Variants in OARD1 observed in about 807,000 individuals in gnomAD.
OARD1 encodes ADP-ribose glycohydrolase OARD1.
Under a neutral mutation model 19.7 loss-of-function variants are expected in OARD1, and 19 were observed. The ratio of observed to expected loss-of-function variants is 0.96; its 90% CI spans 0.67 to 1.41. OARD1 has a LOEUF of 1.41. Ranked by LOEUF, OARD1 falls within the 40% of genes most tolerant of loss-of-function variation. The probability of loss-of-function intolerance (pLI) is 0.00; values close to 1 mark genes in which losing one functional copy is unlikely to be tolerated. For synonymous variants in OARD1, 70 were observed against 61.8 expected, an observed-to-expected ratio of 1.13 and a Z score of -0.62; for missense variants, 190 against 183.8, an observed-to-expected ratio of 1.03 and a Z score of -0.20.
chr6:41,089,950 A>C (rs1340629520), intron 1 of OARD1, among the ~76,000 whole-genome samples: 1 of 152,082 alleles, frequency 6.6e-6, no homozygotes, highest in Non-Finnish European at 1.5e-5. Context: ...AAGCCCCGTC[A>C]AAATACAAAA....
chr6:41,093,838 C>G (rs1004481318), intron 1 of OARD1, among the ~76,000 whole-genome samples: 3 of 152,178 alleles, frequency 2.0e-5, no homozygotes, highest in African/African-American at 7.2e-5. Context: ...ATTTAGTTAC[C>G]TGATCACACC....
At position 41,069,685 on chromosome 6, in the gene OARD1, A is replaced by C. The variant is rs528066900; in HGVS notation, c.243+391T>G. 7.1e-5 allele frequency: 18 copies of C among 252,084 alleles called. No homozygotes were observed. In the East Asian group the frequency reaches 2.2e-3, roughly 30 times the overall value. 15.6% of individuals were successfully genotyped at this position (252,084 alleles called of 1,614,324 possible). A position where few individuals can be genotyped will look rare whatever the true frequency, so the allele number is the denominator to read the frequency against. ...TTTTGTTTTTATTCACCCCCTTGCT[A>C]TCAGTGTGCTATTTGACATGGAATA... On this transcript the variant is annotated intron_variant, in intron 4 of 5. Coordinates refer to ENST00000424266, the MANE Select transcript of OARD1 (RefSeq NM_001329686.2).
At chr6:41,079,212 C>T in intron 1 of OARD1, 2 of 1,542,484 alleles carry the variant, frequency 1.3e-6, no homozygotes, top group Non-Finnish European at 1.8e-6. Flanking sequence ...AAACTGATAA[C>T]AGCACCACTC....
intron 1 of OARD1, among the ~76,000 whole-genome samples, chr6:41,077,594 A>G (rs1053560313): frequency 6.6e-6 from 1 of 152,256 alleles, no homozygotes; most frequent in Non-Finnish European, 1.5e-5. Flanking sequence ...TAGTGCCCCT[A>G]ACAGACTCAC....
chr6:41,094,435 C>T (rs774868192), intron 1 of OARD1: 1 of 1,614,148 alleles, frequency 6.2e-7, no homozygotes. Flanking sequence ...TGCCATGGCA[C>T]GGAAGCGTGG....
At chr6:41,089,513 C>T in intron 1 of OARD1, 1 of 1,449,874 alleles carries the variant, frequency 6.9e-7, no homozygotes, top group Non-Finnish European at 9.1e-7. Flanking sequence ...ATGTGGATAA[C>T]TCTCGGGGAC....
chr6:41,085,784 G>A (rs77222031), intron 1 of OARD1, among the ~76,000 whole-genome samples: 9,615 of 151,482 alleles, frequency 0.063, 715 homozygotes, highest in African/African-American at 0.18. Context: ...ATAATGTTCA[G>A]TCAACTTGAT....
intron 1 of OARD1, chr6:41,084,186 G>T (rs538975038): frequency 6.2e-7 from 1 of 1,613,834 alleles, no homozygotes; most frequent in African/African-American, 1.3e-5. Context: ...CACAGGGTTT[G>T]CAGCAAGTGA....
Position 41,070,064 on chromosome 6 carries a change from G to T in OARD1, c.243+12C>A. 2.0e-6 allele frequency: 3 copies of T among 1,531,206 alleles called. No homozygotes were observed. The highest frequency in any genetic ancestry group is 2.7e-6 in the Non-Finnish European group (3 of 1,104,640). The allele number at this position is 1,531,206 out of a possible 1,614,324, so 94.9% of individuals were successfully genotyped here. A position where few individuals can be genotyped will look rare whatever the true frequency, so the allele number is the denominator to read the frequency against. ...CTGGCCCTGAAAAAAAAAGGAATTG[G>T]CCCCATCTTACCAAGTAATATATAT... On this transcript the variant is annotated intron_variant, in intron 4 of 5. Transcript: ENST00000424266.
upstream of OARD1, among the ~76,000 whole-genome samples, chr6:41,074,041 A>G (rs1763651478): frequency 1.3e-5 from 2 of 152,018 alleles, no homozygotes; most frequent in Admixed American, 1.3e-4. Flanking sequence ...TGTTCATATT[A>G]CTAATCTTAT....
At chr6:41,077,765 A>G (rs943221779) in intron 1 of OARD1, among the ~76,000 whole-genome samples, 3 of 152,290 alleles carry the variant, frequency 2.0e-5, no homozygotes, top group African/African-American at 7.2e-5. Context: ...GTAAATCCAA[A>G]TTATAGCTAG....
intron 1 of OARD1, chr6:41,080,712 G>T: frequency 2.1e-6 from 2 of 955,126 alleles, no homozygotes; most frequent in South Asian, 2.9e-5. Context: ...AAGTCCTTCA[G>T]GCTTCCGTCT....
At chr6:41,089,717 C>T in intron 1 of OARD1, 2 of 1,609,340 alleles carry the variant, frequency 1.2e-6, no homozygotes, top group Non-Finnish European at 1.7e-6. Flanking sequence ...TCAGGTAATT[C>T]CACTAGCTCT....
chr6:41,080,045 C>T (rs752855959), intron 1 of OARD1, among the ~76,000 whole-genome samples: 1 of 152,122 alleles, frequency 6.6e-6, no homozygotes, highest in Non-Finnish European at 1.5e-5. Context: ...CACACCAGTG[C>T]CCTGGAGGGT....
At chr6:41,097,372 G>A (rs776946817) in intron 1 of OARD1, 10 of 1,613,920 alleles carry the variant, frequency 6.2e-6, no homozygotes, top group South Asian at 1.1e-5. Context: ...AAACCAAGCC[G>A]ATGAAGAAGC....
At chr6:41,072,761 T>C (rs984372649), upstream of OARD1, 2 of 152,880 alleles carry the variant, frequency 1.3e-5, no homozygotes, top group Non-Finnish European at 2.9e-5. Flanking sequence ...AGTTGAAGGG[T>C]CTGGCGCGTC....
At chr6:41,091,079 G>A (rs1471842279) in intron 1 of OARD1, among the ~76,000 whole-genome samples, 7 of 152,236 alleles carry the variant, frequency 4.6e-5, no homozygotes, top group Non-Finnish European at 7.3e-5. Context: ...TGCTGCTATT[G>A]ATAGTCTGGG....
intron 1 of OARD1, among the ~76,000 whole-genome samples, chr6:41,093,750 C>T (rs544385213): frequency 1.3e-5 from 2 of 152,322 alleles, no homozygotes; most frequent in African/African-American, 2.4e-5. Flanking sequence ...GGATTATAGG[C>T]GTGAGCCACC....
At chr6:41,081,477 G>A (rs867850745) in intron 1 of OARD1, among the ~76,000 whole-genome samples, 26 of 149,188 alleles carry the variant, frequency 1.7e-4, no homozygotes, top group Admixed American at 1.2e-3. Context: ...GTGACAGAGC[G>A]AGACTCCGTC....
Sources: gnomAD v4.1 joint callset for allele counts (sites outside exome capture counted in the v4.1 genomes callset) on GRCh38, gnomAD v4.1.1 for gene constraint, MANE v1.5 for transcripts, NCBI Gene and HGNC (gene_info 2026-07-23, HGNC 2026-07-21) for gene names.